CTNNA2: variants seen among roughly 807,000 people sequenced by gnomAD.
CTNNA2 encodes catenin alpha 2, also known as catenin alpha-2.
In CTNNA2, 42 loss-of-function variants were observed where a neutral mutation model predicts 101.0. The ratio of observed to expected loss-of-function variants is 0.42; its 90% CI spans 0.32 to 0.54. The LOEUF is 0.54. Among genes scored for constraint, CTNNA2 ranks in the 20% least tolerant of loss-of-function variants. The pLI is 0.14. For synonymous variants in CTNNA2, 450 were observed against 456.4 expected (o/e 0.99, Z 0.18); for missense variants, 871 against 1,223.1 (o/e 0.71, Z 4.29).
intron 3 of CTNNA2, among the ~76,000 whole-genome samples, chr2:79,316,995 A>G (rs1676512701): frequency 6.6e-6 from 1 of 152,038 alleles, no homozygotes. Flanking sequence ...GAAAGCATTC[A>G]GTCTTTGATC....
intron 7 of CTNNA2, chr2:80,299,528 A>G (rs1420634265): frequency 6.6e-6 from 1 of 152,190 alleles, no homozygotes; most frequent in Non-Finnish European, 1.5e-5. Context: ...TATGGTCATC[A>G]TTTGCTCTTA....
intron 7 of CTNNA2, among the ~76,000 whole-genome samples, chr2:79,944,890 A>G (rs77829791): frequency 1.0e-5 from 1 of 97,798 alleles, no homozygotes; most frequent in African/African-American, 2.9e-5. Flanking sequence ...TTATGAACAC[A>G]TGTTTCATAT....
At chr2:79,910,143 A>G (rs1685685088) in intron 7 of CTNNA2, among the ~76,000 whole-genome samples, 1 of 152,238 alleles carries the variant, frequency 6.6e-6, no homozygotes, top group Admixed American at 6.5e-5. Context: ...GGATATAGTA[A>G]GTCCTCTGTT....
At chr2:79,953,698 G>T (rs148850287) in intron 7 of CTNNA2, among the ~76,000 whole-genome samples, 1 of 152,088 alleles carries the variant, frequency 6.6e-6, no homozygotes, top group Non-Finnish European at 1.5e-5. Context: ...TTAACCTCAC[G>T]TTCTTTATCT....
chr2:79,795,335 TA>T (rs924093636), intron 3 of CTNNA2, among the ~76,000 whole-genome samples: 112 of 152,240 alleles, frequency 7.4e-4, no homozygotes, highest in African/African-American at 2.6e-3. Flanking sequence ...TTAAAAGATT[TA>T]AAAATATAAT....
intron 7 of CTNNA2, among the ~76,000 whole-genome samples, chr2:80,311,226 G>A (rs1285076713): frequency 9.2e-5 from 14 of 152,058 alleles, no homozygotes; most frequent in Admixed American, 9.2e-4. Flanking sequence ...TTCTAGAAGT[G>A]GAATTGGTGT....
chr2:79,690,051 A>G (rs1684188219), intron 2 of CTNNA2, among the ~76,000 whole-genome samples: 1 of 152,056 alleles, frequency 6.6e-6, no homozygotes, highest in East Asian at 1.9e-4. Context: ...GATAACTGGT[A>G]AGGATTTTCT....
intron 7 of CTNNA2, among the ~76,000 whole-genome samples, chr2:80,031,425 C>T (rs999431574): frequency 1.4e-4 from 21 of 152,316 alleles, no homozygotes; most frequent in East Asian, 1.9e-4. Context: ...CAGCAAGTCA[C>T]GTCTTACATT....
At chr2:80,497,254 G>A (rs1440146439) in intron 9 of CTNNA2, among the ~76,000 whole-genome samples, 1 of 152,150 alleles carries the variant, frequency 6.6e-6, no homozygotes, top group Non-Finnish European at 1.5e-5. Context: ...AGGGTGTTGA[G>A]GACAGTATGA....
At chr2:79,834,813 C>A (rs1679193781) in intron 3 of CTNNA2, among the ~76,000 whole-genome samples, 1 of 151,924 alleles carries the variant, frequency 6.6e-6, no homozygotes, top group Non-Finnish European at 1.5e-5. Context: ...AAATATTTTG[C>A]TAAATGTTTA....
intron 7 of CTNNA2, among the ~76,000 whole-genome samples, chr2:80,132,001 A>G (rs1702442914): frequency 6.6e-6 from 1 of 152,100 alleles, no homozygotes; most frequent in South Asian, 2.1e-4. Flanking sequence ...GAATCACTTG[A>G]ACCTGGGAGG....
intron 1 of CTNNA2, among the ~76,000 whole-genome samples, chr2:79,609,479 C>T (rs574087699): frequency 2.4e-4 from 37 of 151,780 alleles, no homozygotes; most frequent in Non-Finnish European, 4.0e-4. Context: ...TCCAAGGATC[C>T]GGGAATGCAA....
chr2:80,329,989 G>A (rs1048489730), intron 7 of CTNNA2, among the ~76,000 whole-genome samples: 1 of 152,340 alleles, frequency 6.6e-6, no homozygotes, highest in Non-Finnish European at 1.5e-5. Flanking sequence ...CATTTTCAAG[G>A]TGCCCTGCAC....
intron 2 of CTNNA2, among the ~76,000 whole-genome samples, chr2:79,285,903 G>T (rs1347051388): frequency 6.8e-6 from 1 of 146,826 alleles, no homozygotes; most frequent in Non-Finnish European, 1.5e-5. Context: ...CTCTTTGTAG[G>T]TCACTCAGGA....
intron 7 of CTNNA2, among the ~76,000 whole-genome samples, chr2:79,965,037 T>A (rs1234633689): frequency 6.6e-6 from 1 of 152,216 alleles, no homozygotes; most frequent in Non-Finnish European, 1.5e-5. Flanking sequence ...CAGAATCAAA[T>A]CCCTGTGCTT....
upstream of CTNNA2, among the ~76,000 whole-genome samples, chr2:79,511,475 T>C (rs887827638): frequency 2.0e-5 from 3 of 152,204 alleles, no homozygotes; most frequent in Non-Finnish European, 2.9e-5. Context: ...CCTGTTTCTA[T>C]AGGCAGTCTA....
chr2:79,604,395 C>T (rs1677749457), intron 1 of CTNNA2, among the ~76,000 whole-genome samples: 1 of 152,148 alleles, frequency 6.6e-6, no homozygotes, highest in Admixed American at 6.5e-5. Flanking sequence ...AATACTGCCC[C>T]AGCCTACTAG....
Position 80,267,018 on chromosome 2 carries a change from T to G in CTNNA2, c.1057-126193T>G, listed in dbSNP as rs78280024. ...TTGGAGAATTGAGAAAAAGTCACTT[T>G]CTATGTTGTGAGGATCAAGGAAGAA... is the stretch of plus-strand genomic sequence containing the variant. On this transcript the variant is annotated intron_variant, in intron 7 of 18. Coordinates refer to ENST00000402739, the MANE Select transcript of CTNNA2 (RefSeq NM_001282597.3). Among the ~76,000 whole-genome samples, 1,659 of 152,288 alleles carry G rather than the reference T, an allele frequency of 0.011. 93 individuals are homozygous for G. The East Asian group carries it at 0.18, about 16-fold the overall frequency.
At chr2:79,613,195 C>T (rs755445987) in intron 1 of CTNNA2, among the ~76,000 whole-genome samples, 24 of 151,012 alleles carry the variant, frequency 1.6e-4, no homozygotes, top group Non-Finnish European at 2.9e-4. Context: ...TGTTTACATA[C>T]ATGCTGAGTC....
Sources: gnomAD v4.1 joint callset for allele counts (sites outside exome capture counted in the v4.1 genomes callset) on GRCh38, gnomAD v4.1.1 for gene constraint, MANE v1.5 for transcripts, NCBI Gene and HGNC (gene_info 2026-07-23, HGNC 2026-07-21) for gene names.